The following SGCZ variants were observed in gnomAD, a reference collection of about 807,000 sequenced individuals.
The protein encoded by SGCZ is zeta-sarcoglycan.
A neutral mutation model predicts 41.3 loss-of-function variants in SGCZ; 40 were observed. That is an observed-to-expected ratio of 0.97 (90% confidence interval 0.75 to 1.26). The LOEUF (loss-of-function observed/expected upper bound fraction) is 1.26, where lower values mean the gene tolerates loss of function less well. Among genes scored for constraint, SGCZ ranks in the 50% most tolerant of loss-of-function variants. The probability of loss-of-function intolerance (pLI) is 0.00; values close to 1 mark genes in which losing one functional copy is unlikely to be tolerated. For synonymous variants in SGCZ, 206 were observed against 137.5 expected, an observed-to-expected ratio of 1.50 and a Z score of -3.49; for missense variants, 552 against 369.8, an observed-to-expected ratio of 1.49 and a Z score of -4.04.
intron 7 of SGCZ, 38 bp from the exon 8 acceptor site, chr8:14,090,675 G>T (rs771720361): frequency 2.5e-6 from 4 of 1,574,402 alleles, no homozygotes; most frequent in Non-Finnish European, 3.5e-6. Context: ...ATTCATTTTA[G>T]AAATGTAGCA....
intron 2 of SGCZ, among the ~76,000 whole-genome samples, chr8:14,434,441 A>T (rs1036662428): frequency 6.6e-6 from 1 of 151,986 alleles, no homozygotes; most frequent in Non-Finnish European, 1.5e-5. Flanking sequence ...TCTTGCTTAG[A>T]CCATGTCGGC....
chr8:14,252,177 A>G (rs1048608746), intron 3 of SGCZ, among the ~76,000 whole-genome samples: 1 of 151,198 alleles, frequency 6.6e-6, no homozygotes, highest in African/African-American at 2.4e-5. Flanking sequence ...TATCTTTCCC[A>G]TCTCCCTGTC....
intron 2 of SGCZ, among the ~76,000 whole-genome samples, chr8:14,432,108 G>T (rs182039410): frequency 1.3e-5 from 2 of 152,114 alleles, no homozygotes; most frequent in African/African-American, 4.8e-5. Flanking sequence ...TAACCACTAC[G>T]GAAAACACTG....
At chr8:14,417,392 T>C (rs1330224198) in intron 2 of SGCZ, among the ~76,000 whole-genome samples, 4 of 150,892 alleles carry the variant, frequency 2.7e-5, no homozygotes, top group Admixed American at 6.6e-5. Flanking sequence ...TATAATTCAA[T>C]TTTTTTACTC....
intron 1 of SGCZ, among the ~76,000 whole-genome samples, chr8:14,828,806 T>G (rs1418889816): frequency 1.3e-5 from 2 of 152,166 alleles, no homozygotes; most frequent in Admixed American, 6.5e-5. Context: ...AAAATGCCCA[T>G]GCCCGAGAAC....
At chr8:14,907,384 C>G (rs1799152760) in intron 1 of SGCZ, among the ~76,000 whole-genome samples, 1 of 151,988 alleles carries the variant, frequency 6.6e-6, no homozygotes, top group African/African-American at 2.4e-5. Context: ...GATGATGTCT[C>G]ACTATCTTGC....
At chr8:14,888,480 T>C (rs540625763) in intron 1 of SGCZ, among the ~76,000 whole-genome samples, 4 of 152,196 alleles carry the variant, frequency 2.6e-5, no homozygotes, top group Admixed American at 1.3e-4. Flanking sequence ...TGAAAGAATA[T>C]AGAAAGAAAG....
At chr8:14,485,923 G>C (rs912405304) in intron 2 of SGCZ, among the ~76,000 whole-genome samples, 3 of 139,164 alleles carry the variant, frequency 2.2e-5, no homozygotes, top group African/African-American at 7.9e-5. Flanking sequence ...CTCACTGCAA[G>C]CTCCGCTTCC....
intron 2 of SGCZ, among the ~76,000 whole-genome samples, chr8:14,358,265 G>A (rs1037983824): frequency 6.6e-6 from 1 of 152,082 alleles, no homozygotes; most frequent in South Asian, 2.1e-4. Flanking sequence ...AATATTTTTA[G>A]ATTGATATTT....
At position 14,109,008 on chromosome 8, in the gene SGCZ, T is replaced by C. The variant is rs1414821147; in HGVS notation, c.548-773A>G. Reference sequence around the variant, plus strand: ...AGGTGAGTTCCAGTGTAGCCTATTATTGGTTTTTTAAAGACAAACCCTCAT... The same window carrying C: ...AGGTGAGTTCCAGTGTAGCCTATTACTGGTTTTTTAAAGACAAACCCTCAT... On this transcript the variant is annotated intron_variant, in intron 5 of 7. Transcript: ENST00000382080. Among the ~76,000 whole-genome samples, 3 of 152,256 alleles carry C rather than the reference T, an allele frequency of 2.0e-5. No individual in the cohort carries two copies. In the East Asian group the frequency reaches 5.8e-4, roughly 29 times the overall value.
At chr8:14,523,786 CT>C (rs1802859900) in intron 2 of SGCZ, among the ~76,000 whole-genome samples, 1 of 152,064 alleles carries the variant, frequency 6.6e-6, no homozygotes, top group East Asian at 1.9e-4. Context: ...GCACCATCCA[CT>C]TTCTTCTTTC....
At chr8:14,587,914 A>G (rs10109950) in intron 1 of SGCZ, among the ~76,000 whole-genome samples, 5,763 of 152,218 alleles carry the variant, frequency 0.038, 256 homozygotes, top group African/African-American at 0.11. Flanking sequence ...GAGACTCAAA[A>G]TTGCATCCAC....
At chr8:14,897,800 C>A (rs938828738) in intron 1 of SGCZ, among the ~76,000 whole-genome samples, 2 of 152,134 alleles carry the variant, frequency 1.3e-5, no homozygotes, top group African/African-American at 4.8e-5. Flanking sequence ...ATCTGATTCA[C>A]AAACATCAAC....
At chr8:14,328,942 G>A (rs1681960579) in intron 2 of SGCZ, among the ~76,000 whole-genome samples, 1 of 152,202 alleles carries the variant, frequency 6.6e-6, no homozygotes, top group Non-Finnish European at 1.5e-5. Flanking sequence ...TCCCTCTGGA[G>A]GACACAGCAA....
intron 1 of SGCZ, among the ~76,000 whole-genome samples, chr8:14,599,032 A>G (rs1805503207): frequency 6.6e-6 from 1 of 151,804 alleles, no homozygotes; most frequent in South Asian, 2.1e-4. Flanking sequence ...CAGATTCTAA[A>G]CCTCCTCTCC....
intron 1 of SGCZ, among the ~76,000 whole-genome samples, chr8:14,744,068 G>A (rs1404446285): frequency 6.6e-6 from 1 of 152,064 alleles, no homozygotes; most frequent in African/African-American, 2.4e-5. Context: ...TAGCCACAGG[G>A]TTAGATGTTG....
chr8:14,860,847 T>C (rs1242541176), intron 1 of SGCZ, among the ~76,000 whole-genome samples: 1 of 152,130 alleles, frequency 6.6e-6, no homozygotes, highest in Non-Finnish European at 1.5e-5. Context: ...CAGAAGGGCC[T>C]TGAACTTGGT....
intron 1 of SGCZ, among the ~76,000 whole-genome samples, chr8:14,819,365 G>T (rs1409785324): frequency 6.6e-6 from 1 of 152,020 alleles, no homozygotes; most frequent in African/African-American, 2.4e-5. Flanking sequence ...AGTACTCTTA[G>T]CAAATAGTTT....
At chr8:14,411,240 A>G (rs1799352144) in intron 2 of SGCZ, among the ~76,000 whole-genome samples, 1 of 152,152 alleles carries the variant, frequency 6.6e-6, no homozygotes, top group African/African-American at 2.4e-5. Context: ...CAACTCTTAC[A>G]TAGTATGAAG....
Sources: gnomAD v4.1 joint callset for allele counts (sites outside exome capture counted in the v4.1 genomes callset) on GRCh38, gnomAD v4.1.1 for gene constraint, MANE v1.5 for transcripts, NCBI Gene and HGNC (gene_info 2026-07-23, HGNC 2026-07-21) for gene names.